Variants in C11orf65 observed in about 807,000 individuals in gnomAD.
C11orf65 encodes the protein chromosome 11 open reading frame 65.
C11orf65 carries 38 observed loss-of-function variants against 35.3 expected under a neutral mutation model. The observed-to-expected ratio is 1.08, with a 90% CI of 0.83 to 1.41. The LOEUF (loss-of-function observed/expected upper bound fraction) is 1.41. Ranked by LOEUF, C11orf65 falls within the 40% of genes most tolerant of loss-of-function variation. The pLI, the probability that C11orf65 is intolerant of heterozygous loss-of-function variation, is 0.00. For missense variants in C11orf65, 370 were observed against 367.1 expected (o/e 1.01, Z -0.06); for synonymous variants, 105 against 114.4 (o/e 0.92, Z 0.53).
chr11:108,420,020 T>C (rs946777840), intron 3 of C11orf65, among the ~76,000 whole-genome samples: 1 of 152,244 alleles, frequency 6.6e-6, no homozygotes, highest in African/African-American at 2.4e-5. Flanking sequence ...AATGTACACA[T>C]TATTAGAATT....
chr11:108,460,875 G>A (rs777455511), intron 2 of C11orf65, among the ~76,000 whole-genome samples: 3 of 151,882 alleles, frequency 2.0e-5, no homozygotes, highest in Admixed American at 1.3e-4. Context: ...ACAGGCATGC[G>A]CCACCACACC....
chr11:108,353,965 C>T (rs931127273), intron 2 of C11orf65: 85 of 1,356,844 alleles, frequency 6.3e-5, no homozygotes, highest in Non-Finnish European at 8.8e-5. Context: ...CCTGTAATCC[C>T]AGCTGCTCAA....
chr11:108,446,207 T>G (rs2093254737), intron 2 of C11orf65, among the ~76,000 whole-genome samples: 1 of 152,024 alleles, frequency 6.6e-6, no homozygotes, highest in South Asian at 2.1e-4. Context: ...GAAAACACTC[T>G]GCAGGATATT....
chr11:108,321,953 A>C (rs567081787), intron 6 of C11orf65, among the ~76,000 whole-genome samples: 1 of 152,274 alleles, frequency 6.6e-6, no homozygotes. Flanking sequence ...TTTTCTCTTT[A>C]TAACTTTTTC....
intron 2 of C11orf65, among the ~76,000 whole-genome samples, chr11:108,346,969 T>G (rs981305095): frequency 3.0e-4 from 45 of 152,166 alleles, no homozygotes; most frequent in Non-Finnish European, 6.2e-4. Context: ...TTGACCCAGG[T>G]AAATAATGGG....
rs587782719 is a variant in C11orf65, at chr11:108,335,080, G to A, written c.299+140C>T. The A allele has an allele frequency of 8.7e-6, 14 of 1,613,996 alleles. No homozygotes were observed. The highest frequency in any genetic ancestry group is 4.5e-5 in the East Asian group (2 of 44,876). On this transcript the variant is annotated intron_variant, in intron 3 of 3. Transcript: ENST00000524755. ...AAAAATAATAGATTGTGTAGGTTCC[G>A]ATGGCAAGGAGAGGAGACAGCTTGT...
At chr11:108,460,268 T>C (rs2093457621) in intron 2 of C11orf65, among the ~76,000 whole-genome samples, 1 of 152,174 alleles carries the variant, frequency 6.6e-6, no homozygotes, top group Non-Finnish European at 1.5e-5. Flanking sequence ...CAGTGTGTGC[T>C]AGAAACAGAG....
intron 2 of C11orf65, chr11:108,355,890 A>G (rs1218915015): frequency 6.6e-6 from 1 of 152,180 alleles, no homozygotes; most frequent in Non-Finnish European, 1.5e-5. Flanking sequence ...TCCTGTGTGC[A>G]CCTTTATGAA....
chr11:108,467,001 T>C (rs1432420004), intron 1 of C11orf65, among the ~76,000 whole-genome samples: 1 of 152,048 alleles, frequency 6.6e-6, no homozygotes, highest in Non-Finnish European at 1.5e-5. Context: ...ACCTATTCTT[T>C]AAAAACGCGT....
intron 2 of C11orf65, among the ~76,000 whole-genome samples, chr11:108,342,470 A>G (rs1223722794): frequency 6.6e-6 from 1 of 152,186 alleles, no homozygotes; most frequent in African/African-American, 2.4e-5. Flanking sequence ...TTGTGTACAT[A>G]TAGCTTTGAA....
chr11:108,350,901 T>C (rs1005106962), intron 2 of C11orf65, among the ~76,000 whole-genome samples: 1 of 152,180 alleles, frequency 6.6e-6, no homozygotes, highest in Admixed American at 6.5e-5. Flanking sequence ...AAGCTGACTT[T>C]ATGTATATCC....
At chr11:108,438,699 G>C (rs929223502) in intron 2 of C11orf65, among the ~76,000 whole-genome samples, 1 of 151,900 alleles carries the variant, frequency 6.6e-6, no homozygotes, top group African/African-American at 2.4e-5. Context: ...TGAACAAAAA[G>C]ATAAACTGGA....
chr11:108,458,382 G>A (rs1006835618), intron 2 of C11orf65, among the ~76,000 whole-genome samples: 1 of 149,920 alleles, frequency 6.7e-6, no homozygotes, highest in Non-Finnish European at 1.5e-5. Context: ...AAAAAAAGAG[G>A]TGGTTGGAGA....
intron 2 of C11orf65, among the ~76,000 whole-genome samples, chr11:108,342,262 A>C (rs971038248): frequency 2.0e-5 from 3 of 152,192 alleles, no homozygotes; most frequent in Non-Finnish European, 4.4e-5. Context: ...GCAGTATTTC[A>C]TGGAAATGTG....
intron 2 of C11orf65, among the ~76,000 whole-genome samples, chr11:108,359,051 ATC>A (rs2090386905): frequency 6.7e-6 from 1 of 149,692 alleles, no homozygotes; most frequent in African/African-American, 2.4e-5. Flanking sequence ...CAGGAAACCC[ATC>A]TCACGTGCAG....
intron 3 of C11orf65, among the ~76,000 whole-genome samples, chr11:108,420,616 G>T (rs1479775897): frequency 6.6e-6 from 1 of 152,008 alleles, no homozygotes; most frequent in Non-Finnish European, 1.5e-5. Context: ...CCTGAGATTG[G>T]GTAGTAAATC....
At chr11:108,461,413 G>T (rs915431231) in intron 2 of C11orf65, 66 bp downstream of exon 2, 2 of 1,253,018 alleles carry the variant, frequency 1.6e-6, no homozygotes, top group Non-Finnish European at 2.3e-6. Context: ...AAAAAAAATT[G>T]AACTGTACAC....
At chr11:108,378,427 T>C, downstream of C11orf65, among the ~76,000 whole-genome samples, 1 of 140,646 alleles carries the variant, frequency 7.1e-6, no homozygotes, top group Non-Finnish European at 1.5e-5. Flanking sequence ...TGGCTAGCCA[T>C]ATGGAGAAAG....
chr11:108,333,934 T>G lies in C11orf65; in HGVS notation c.299+1286A>C, dbSNP rs1565538536. 6.2e-7 allele frequency: 1 copy of G among 1,611,800 alleles called. No homozygotes were observed. Among genetic ancestry groups the G allele is most frequent in the South Asian group, 1.1e-5 (1 of 91,044 alleles). On this transcript the variant is annotated intron_variant, in intron 3 of 3. Transcript: ENST00000524755. ...CAGCCAATTACTAAACTTAAGAATT[T>G]AGAAGATGTTGTTGTCCCTACTATG...
Sources: allele counts gnomAD v4.1 joint callset (sites outside exome capture counted in the v4.1 genomes callset), GRCh38; gene constraint gnomAD v4.1.1; transcripts MANE v1.5; gene names NCBI Gene and HGNC (gene_info 2026-07-23, HGNC 2026-07-21).